Variants in RCAN1 observed in about 807,000 individuals in gnomAD.
RCAN1 encodes the protein regulator of calcineurin 1.
Under a neutral mutation model 22.9 loss-of-function variants are expected in RCAN1, and 11 were observed. That is an observed-to-expected ratio of 0.48 (90% CI 0.30 to 0.79). RCAN1 has a LOEUF of 0.79. Among genes scored for constraint, RCAN1 ranks in the 30% least tolerant of loss-of-function variants. RCAN1 has a pLI of 0.06. For missense variants in RCAN1, 291 were observed against 337.8 expected (o/e 0.86, Z 1.09); for synonymous variants, 136 against 142.3 (o/e 0.96, Z 0.32).
intron 1 of RCAN1, among the ~76,000 whole-genome samples, chr21:34,595,632 C>G (rs1428151034): frequency 3.3e-5 from 5 of 152,200 alleles, no homozygotes; most frequent in Non-Finnish European, 7.3e-5. Flanking sequence ...GCAATCTGCT[C>G]AGGTTCCCAG....
At chr21:34,603,288 C>A (rs1245059052) in intron 1 of RCAN1, among the ~76,000 whole-genome samples, 1 of 152,210 alleles carries the variant, frequency 6.6e-6, no homozygotes, top group Non-Finnish European at 1.5e-5. Flanking sequence ...TCTCCGGCCC[C>A]TCCACAAGCT....
At chr21:34,563,770 A>AAAAATAT (rs1555863394) in intron 1 of RCAN1, among the ~76,000 whole-genome samples, 1 of 65,472 alleles carries the variant, frequency 1.5e-5, no homozygotes, top group African/African-American at 6.9e-5. Flanking sequence ...AAAAAAAAAA[A>AAAAATAT]ATATATATAT....
chr21:34,526,204 T>G (rs1474464514), intron 1 of RCAN1, among the ~76,000 whole-genome samples: 1 of 152,248 alleles, frequency 6.6e-6, no homozygotes, highest in Non-Finnish European at 1.5e-5. Context: ...GGCGGCATTT[T>G]CTCTTGTTAG....
chr21:34,581,653 T>A (rs1987613248), intron 1 of RCAN1, among the ~76,000 whole-genome samples: 1 of 151,696 alleles, frequency 6.6e-6, no homozygotes, highest in Non-Finnish European at 1.5e-5. Context: ...GGAAAAAAAA[T>A]CACTAAAAAT....
At chr21:34,564,653 T>G (rs572314702) in intron 1 of RCAN1, among the ~76,000 whole-genome samples, 73 of 152,240 alleles carry the variant, frequency 4.8e-4, no homozygotes, top group African/African-American at 1.6e-3. Context: ...AAAGTAAAGC[T>G]GAAGTAATGT....
chr21:34,526,055 GA>G (rs1387521572), intron 1 of RCAN1, among the ~76,000 whole-genome samples: 3 of 152,186 alleles, frequency 2.0e-5, no homozygotes, highest in African/African-American at 4.8e-5. Flanking sequence ...AGCTGCTGAT[GA>G]AAAAACTTAC....
At chr21:34,557,220 A>T (rs543876032) in intron 1 of RCAN1, among the ~76,000 whole-genome samples, 2 of 152,330 alleles carry the variant, frequency 1.3e-5, no homozygotes, top group South Asian at 2.1e-4. Context: ...TTCGAAAAAT[A>T]AAATAAAATT....
intron 1 of RCAN1, among the ~76,000 whole-genome samples, chr21:34,563,134 A>G (rs1986856771): frequency 6.6e-6 from 1 of 152,210 alleles, no homozygotes; most frequent in South Asian, 2.1e-4. Context: ...AACTTGTTAG[A>G]ACTAACATCT....
Position 34,518,015 on chromosome 21 carries a change from C to T in RCAN1, c.*69G>A. ...CTGCCACCTCCGAAGAAGTCGTGACCAGCCACCTCCACAGTAAAAGATTCC... is the reference window on the plus strand; with the variant it reads ...CTGCCACCTCCGAAGAAGTCGTGACTAGCCACCTCCACAGTAAAAGATTCC... On this transcript the variant is annotated 3_prime_UTR_variant, in exon 4 of 4. Coordinates refer to ENST00000313806, the MANE Select transcript of RCAN1 (RefSeq NM_004414.7). The surrounding 1 kb of genome is among the most constrained non-coding windows in gnomAD (Gnocchi z 4.2). The T allele has an allele frequency of 6.3e-7, 1 of 1,576,002 alleles. No homozygotes were observed. Among genetic ancestry groups the T allele is most frequent in the South Asian group, 1.2e-5 (1 of 85,982 alleles).
intron 1 of RCAN1, among the ~76,000 whole-genome samples, chr21:34,574,237 T>C (rs1987331396): frequency 1.3e-5 from 2 of 152,244 alleles, no homozygotes; most frequent in East Asian, 1.9e-4. Flanking sequence ...ATCAGCTAAA[T>C]TGGACACTAT....
At chr21:34,537,974 T>C (rs1282983978) in intron 1 of RCAN1, among the ~76,000 whole-genome samples, 3 of 152,220 alleles carry the variant, frequency 2.0e-5, no homozygotes, top group Non-Finnish European at 2.9e-5. Context: ...GGTGGTGACA[T>C]GGTTATAGCG....
chr21:34,540,127 G>C (rs968437919), intron 1 of RCAN1, among the ~76,000 whole-genome samples: 3 of 152,078 alleles, frequency 2.0e-5, no homozygotes, highest in African/African-American at 7.3e-5. Context: ...TTTCTAACAA[G>C]ACTGGAAGGT....
Position 34,614,712 on chromosome 21 carries a change from A to C in RCAN1, c.252+48T>G. The C allele has an allele frequency of 7.3e-7, 1 of 1,370,090 alleles. No homozygotes were observed. The highest frequency in any genetic ancestry group is 9.5e-7 in the Non-Finnish European group (1 of 1,055,020). The allele number at this position is 1,370,090 out of a possible 1,614,324, so 84.9% of individuals were successfully genotyped here. ...GCGACCCGCGCCGCCTCCTCGGGCA[A>C]CAAGTGTCCGCCCTCCGCCCCGACG... On this transcript the variant is annotated intron_variant, in intron 1 of 3. Coordinates refer to ENST00000313806, the MANE Select transcript of RCAN1 (RefSeq NM_004414.7). This position sits in a 1 kb window ranked among gnomAD's most constrained non-coding sequence, Gnocchi z 6.0.
chr21:34,595,130 C>T (rs376495309), intron 1 of RCAN1, among the ~76,000 whole-genome samples: 51 of 152,210 alleles, frequency 3.4e-4, no homozygotes, highest in African/African-American at 1.1e-3. Context: ...CAGCACCTGG[C>T]ACTGGACAAA....
intron 1 of RCAN1, chr21:34,613,888 C>G: frequency 7.2e-7 from 1 of 1,381,650 alleles, no homozygotes. Flanking sequence ...GAAAGCACTG[C>G]TTTTTTTGAC....
chr21:34,537,893 T>C (rs987103922), intron 1 of RCAN1, among the ~76,000 whole-genome samples: 2 of 152,216 alleles, frequency 1.3e-5, no homozygotes, highest in African/African-American at 4.8e-5. Flanking sequence ...CACATTCCTA[T>C]GGGTGACTCC....
intron 1 of RCAN1, among the ~76,000 whole-genome samples, chr21:34,600,887 C>T (rs574784189): frequency 1.3e-5 from 2 of 152,268 alleles, no homozygotes; most frequent in Admixed American, 6.5e-5. Flanking sequence ...TATGGTGCTG[C>T]GGTATTCTGA....
intron 1 of RCAN1, among the ~76,000 whole-genome samples, chr21:34,585,286 C>T (rs945494677): frequency 6.6e-6 from 1 of 152,270 alleles, no homozygotes; most frequent in East Asian, 1.9e-4. Flanking sequence ...TCATTAGCTA[C>T]AGAAGCAGCA....
intron 1 of RCAN1, among the ~76,000 whole-genome samples, chr21:34,541,619 G>A (rs531245020): frequency 2.6e-5 from 4 of 152,280 alleles, no homozygotes; most frequent in Admixed American, 2.6e-4. Context: ...TCCTACCTTT[G>A]CATATTTCAT....
Sources: allele counts gnomAD v4.1 joint callset (sites outside exome capture counted in the v4.1 genomes callset), GRCh38; gene constraint gnomAD v4.1.1; non-coding constraint Gnocchi (gnomAD v3.1); transcripts MANE v1.5; gene names NCBI Gene and HGNC (gene_info 2026-07-23, HGNC 2026-07-21).